The following TMEM117 variants were observed in gnomAD, a reference collection of about 807,000 sequenced individuals.
TMEM117 encodes transmembrane protein 117.
In TMEM117, 27 loss-of-function variants were observed where a neutral mutation model predicts 52.4. That is an observed-to-expected ratio of 0.51 (90% confidence interval 0.38 to 0.71). The LOEUF (loss-of-function observed/expected upper bound fraction) is 0.71. TMEM117 is among the 30% of genes least tolerant of loss of function. TMEM117 has a pLI of 0.00. For synonymous variants in TMEM117, 215 were observed against 206.3 expected (o/e 1.04, Z -0.36); for missense variants, 556 against 630.5 (o/e 0.88, Z 1.26).
chr12:43,979,836 C>T (rs1592411125), intron 3 of TMEM117, among the ~76,000 whole-genome samples: 1 of 152,210 alleles, frequency 6.6e-6, no homozygotes, highest in East Asian at 1.9e-4. Context: ...ACTGTTCTAT[C>T]CAAATAGGAC....
chr12:43,906,745 G>A (rs1455458186), intron 2 of TMEM117, among the ~76,000 whole-genome samples: 1 of 152,230 alleles, frequency 6.6e-6, no homozygotes, highest in African/African-American at 2.4e-5. Context: ...GACAGCACCT[G>A]GAAAATCGGG....
At chr12:44,334,269 T>G (rs1951310345) in intron 6 of TMEM117, among the ~76,000 whole-genome samples, 1 of 152,110 alleles carries the variant, frequency 6.6e-6, no homozygotes, top group Non-Finnish European at 1.5e-5. Flanking sequence ...ATACTTATAT[T>G]CAATGTAGGG....
the TMEM117 span, among the ~76,000 whole-genome samples, chr12:43,829,652 A>G: frequency 1.3e-5 from 2 of 152,250 alleles, no homozygotes; most frequent in Non-Finnish European, 2.9e-5. Flanking sequence ...ACGTCAGCTC[A>G]AAACTCCCCA....
intron 3 of TMEM117, among the ~76,000 whole-genome samples, chr12:43,952,386 A>T (rs1945238656): frequency 6.6e-6 from 1 of 152,066 alleles, no homozygotes; most frequent in South Asian, 2.1e-4. Context: ...AGAAGCTAAG[A>T]CCCATGATAA....
chr12:43,806,417 C>A, the TMEM117 span: 2 of 1,150,008 alleles, frequency 1.7e-6, no homozygotes, highest in Non-Finnish European at 2.1e-6. Flanking sequence ...GCCGCCCCGC[C>A]GCCCTTCCTG....
At chr12:44,074,371 T>C (rs1034384494) in intron 3 of TMEM117, among the ~76,000 whole-genome samples, 2 of 152,172 alleles carry the variant, frequency 1.3e-5, no homozygotes, top group Non-Finnish European at 2.9e-5. Context: ...AAATCCCTTC[T>C]CATTAGTCTT....
intron 4 of TMEM117, among the ~76,000 whole-genome samples, chr12:44,173,586 C>CCTTTTTTTTTTTTTTTTTTTTTTTTTTTT: frequency 6.8e-6 from 1 of 148,116 alleles, no homozygotes; most frequent in African/African-American, 2.6e-5. Context: ...TTTTTTTATT[C>CCTTTTTTTTTTTTTTTTTTTTTTTTTTTT]TTTAGTTGCT....
chr12:44,236,958 T>C (rs73102952), intron 5 of TMEM117, among the ~76,000 whole-genome samples: 11,091 of 151,942 alleles, frequency 0.073, 571 homozygotes, highest in Middle Eastern at 0.16. Flanking sequence ...CCCCTACCCT[T>C]GTGGATAATT....
At chr12:44,314,026 C>T (rs560346153) in intron 6 of TMEM117, among the ~76,000 whole-genome samples, 4 of 152,288 alleles carry the variant, frequency 2.6e-5, no homozygotes, top group South Asian at 4.1e-4. Context: ...GTTTTCTAGG[C>T]ATAGAATCAT....
chr12:43,904,408 T>G (rs1480545555), intron 2 of TMEM117, among the ~76,000 whole-genome samples: 2 of 152,152 alleles, frequency 1.3e-5, no homozygotes, highest in African/African-American at 4.8e-5. Flanking sequence ...CCTAATGATA[T>G]TAGTGTTTTA....
intron 5 of TMEM117, among the ~76,000 whole-genome samples, chr12:44,274,862 A>T (rs117631626): frequency 0.014 from 2,136 of 152,208 alleles, 24 homozygotes; most frequent in South Asian, 0.035. Context: ...ATAAGAAAAC[A>T]TTGGGGAAAC....
intron 3 of TMEM117, among the ~76,000 whole-genome samples, chr12:43,962,286 C>T (rs558357964): frequency 6.6e-6 from 1 of 152,280 alleles, no homozygotes; most frequent in East Asian, 1.9e-4. Context: ...AGGCTACCAC[C>T]AGGGTACCCT....
chr12:43,800,277 C>T, the TMEM117 span, among the ~76,000 whole-genome samples: 1 of 152,112 alleles, frequency 6.6e-6, no homozygotes, highest in South Asian at 2.1e-4. Flanking sequence ...GTTACATATT[C>T]ATTACAGCTA....
the TMEM117 span, among the ~76,000 whole-genome samples, chr12:43,830,038 A>G: frequency 6.8e-6 from 1 of 147,004 alleles, no homozygotes; most frequent in Non-Finnish European, 1.5e-5. Context: ...CAGTGAGGCG[A>G]GATTGCGCCA....
intron 4 of TMEM117, among the ~76,000 whole-genome samples, chr12:44,196,102 A>G (rs905749552): frequency 6.6e-6 from 1 of 151,990 alleles, no homozygotes; most frequent in Non-Finnish European, 1.5e-5. Context: ...AAGAAAAAAT[A>G]AAAGAAAGAA....
chr12:44,187,608 A>G (rs1052242571), intron 4 of TMEM117, among the ~76,000 whole-genome samples: 2 of 152,166 alleles, frequency 1.3e-5, no homozygotes, highest in African/African-American at 4.8e-5. Flanking sequence ...AATGGAGACA[A>G]TGGATATGTT....
chr12:44,066,549 C>A (rs1189049211), intron 3 of TMEM117, among the ~76,000 whole-genome samples: 1 of 152,162 alleles, frequency 6.6e-6, no homozygotes, highest in Non-Finnish European at 1.5e-5. Context: ...ACATGAATTT[C>A]TTGGTTTCCC....
intron 3 of TMEM117, among the ~76,000 whole-genome samples, chr12:44,006,522 T>A (rs1054723637): frequency 2.0e-5 from 3 of 152,190 alleles, no homozygotes; most frequent in African/African-American, 7.2e-5. Context: ...TAATACTGTC[T>A]CTAATTTAGT....
At chr12:44,294,256 A>G (rs1382745041) in intron 5 of TMEM117, among the ~76,000 whole-genome samples, 2 of 152,146 alleles carry the variant, frequency 1.3e-5, no homozygotes, top group African/African-American at 4.8e-5. Flanking sequence ...ACTTTAGTCA[A>G]TTTGATCATA....
Sources: allele counts gnomAD v4.1 joint callset (sites outside exome capture counted in the v4.1 genomes callset), GRCh38; gene constraint gnomAD v4.1.1; transcripts MANE v1.5; gene names NCBI Gene and HGNC (gene_info 2026-07-23, HGNC 2026-07-21).